Variants in LRP2 observed in about 807,000 individuals in gnomAD.
LRP2 encodes the protein low-density lipoprotein receptor-related protein 2.
Under a neutral mutation model 531.0 loss-of-function variants are expected in LRP2, and 172 were observed. The observed-to-expected ratio is 0.32, with a 90% CI of 0.29 to 0.37. The LOEUF (loss-of-function observed/expected upper bound fraction) is 0.37, where lower values mean the gene tolerates loss of function less well. Ranked by LOEUF, LRP2 falls within the 10% of genes least tolerant of loss-of-function variation. LRP2 has a pLI of 1.00. For missense variants in LRP2, 5,167 were observed against 5,868.3 expected, an observed-to-expected ratio of 0.88 and a Z score of 3.90; for synonymous variants, 1,992 against 2,027.6, an observed-to-expected ratio of 0.98 and a Z score of 0.47.
intron 16 of LRP2, among the ~76,000 whole-genome samples, chr2:169,269,963 C>T (rs181062487): frequency 0.014 from 2,152 of 151,354 alleles, 75 homozygotes; most frequent in African/African-American, 0.048. Flanking sequence ...ACAGACACTT[C>T]TCAAAAAAAG....
chr2:169,162,728 G>T, intron 62 of LRP2, 128 bp from the exon 63 acceptor site: 1 of 988,566 alleles, frequency 1.0e-6, no homozygotes. Flanking sequence ...AGTCTCCCTT[G>T]CAGCTGGGTT....
In LRP2 at chr2:169,209,546, T is replaced by C. The variant is rs1688520453; in HGVS notation, c.6376A>G (p.Arg2126Gly). Reference protein sequence around the residue: ...SSVASDNAIRRIKPDGSSLMN... With the variant: ...SSVASDNAIRGIKPDGSSLMN... ...AGAGAAGATCCATCTGGTTTAATTC[T>C]ACGGATCGCATTATCAGATGCCACT... is the stretch of plus-strand genomic sequence containing the variant. Residue 2126 changes from arginine (R) to glycine (G), a missense_variant, in exon 38 of 79, where the codon AGA (arginine) becomes GGA (glycine). Around this residue, in one of 6 missense-constraint regions of LRP2, gnomAD observed 2,811 missense variants for 3,058.0 expected, o/e 0.92. Coordinates refer to ENST00000649046, the MANE Select transcript of LRP2 (RefSeq NM_004525.3). 2 of 1,614,176 alleles carry C rather than the reference T, an allele frequency of 1.2e-6. No homozygotes were observed. The highest frequency in any genetic ancestry group is 1.7e-6 in the Non-Finnish European group (2 of 1,180,006).
Position 169,271,043 on chromosome 2 carries a change from A to T in LRP2, c.2181T>A (p.Ser727=). The T allele has an allele frequency of 6.2e-7, 1 of 1,613,250 alleles. No homozygotes were observed. Among genetic ancestry groups the T allele is most frequent in the African/African-American group, 1.3e-5 (1 of 74,976 alleles). Residue 727 remains serine (S), a synonymous_variant, in exon 16 of 79, where the codon TCT becomes TCA. Coordinates refer to ENST00000649046, the MANE Select transcript of LRP2 (RefSeq NM_004525.3). ...CTGGAACCATGACATCTTCCTGGGTAGACAAGGTGAACGGGATCCCACGAA... is the reference window on the plus strand; with the variant it reads ...CTGGAACCATGACATCTTCCTGGGTTGACAAGGTGAACGGGATCCCACGAA... ...VAIRGIPFTL[S]TQEDVMVPVS...
chr2:169,215,344 T>C (rs1429314318), intron 35 of LRP2, among the ~76,000 whole-genome samples: 1 of 152,176 alleles, frequency 6.6e-6, no homozygotes, highest in Non-Finnish European at 1.5e-5. Context: ...CAATGCTTCA[T>C]CAATAATTAT....
At chr2:169,187,333 C>T (rs1378791912) in intron 49 of LRP2, among the ~76,000 whole-genome samples, 1 of 152,020 alleles carries the variant, frequency 6.6e-6, no homozygotes, top group Non-Finnish European at 1.5e-5. Flanking sequence ...TCAATGAGTA[C>T]TGACAATGAA....
intron 49 of LRP2, among the ~76,000 whole-genome samples, chr2:169,187,063 A>AT (rs1687658858): frequency 6.6e-6 from 1 of 151,880 alleles, no homozygotes; most frequent in African/African-American, 2.4e-5. Flanking sequence ...TGATTTTTAA[A>AT]TTTTTTTCTT....
chr2:169,260,866 A>G (rs1690517717), intron 16 of LRP2, among the ~76,000 whole-genome samples: 1 of 103,950 alleles, frequency 9.6e-6, no homozygotes, highest in Non-Finnish European at 2.3e-5. Context: ...TCCAGGGTAC[A>G]CTAGAAAAAA....
intron 60 of LRP2, 73 bp from the exon 61 acceptor site, chr2:169,168,749 C>T: frequency 6.5e-7 from 1 of 1,527,684 alleles, no homozygotes; most frequent in African/African-American, 1.4e-5. Context: ...CCTGCTATTT[C>T]TCCTTTGGCT....
In LRP2 at chr2:169,243,518, C is replaced by T. The variant is rs775678937; in HGVS notation, c.3435G>A (p.Ser1145=). The T allele has an allele frequency of 1.7e-5, 28 of 1,613,868 alleles. No homozygotes were observed. Among genetic ancestry groups the T allele is most frequent in the African/African-American group, 6.7e-5 (5 of 74,894 alleles). The part of the protein sequence containing the change: ...GDGSDEKNCN[S]TETCQPSQFN... Reference sequence around the variant, plus strand: ...ACTGACTAGGTTGGCATGTCTCTGTCGAATCTAATGTCATCCGAAAACAAA... The same window carrying T: ...ACTGACTAGGTTGGCATGTCTCTGTTGAATCTAATGTCATCCGAAAACAAA... Residue 1145 remains serine, a synonymous_variant, in exon 23 of 79, where the codon TCG becomes TCA. Coordinates refer to ENST00000649046, the MANE Select transcript of LRP2 (RefSeq NM_004525.3).
At chr2:169,205,963 A>G (rs1160594289) in intron 40 of LRP2, 60 bp downstream of exon 40, 2 of 1,593,008 alleles carry the variant, frequency 1.3e-6, no homozygotes, top group East Asian at 2.2e-5. Flanking sequence ...ACATAATTTC[A>G]GGCCCCATTT....
At chr2:169,298,808 A>C (rs1684197125) in intron 4 of LRP2, among the ~76,000 whole-genome samples, 1 of 151,828 alleles carries the variant, frequency 6.6e-6, no homozygotes, top group South Asian at 2.1e-4. Flanking sequence ...CAAACAGGAG[A>C]GTCAATACCA....
At position 169,150,938 on chromosome 2, in the gene LRP2, G is replaced by A; in HGVS notation, c.12550C>T (p.Leu4184=). The A allele has an allele frequency of 6.2e-7, 1 of 1,614,066 alleles. No individual in the cohort carries two copies. Among genetic ancestry groups the A allele is most frequent in the Non-Finnish European group, 8.5e-7 (1 of 1,179,968 alleles). The change falls in exon 68 of 79, where the codon CTG becomes TTG. Residue 4184 remains leucine, a synonymous_variant. Transcript: ENST00000649046. ...RYRKWLISTD[L]DQPAAIAVNP... ...ACAGCAATAGCAGCTGGTTGGTCCA[G>A]GTCAGTGGAAATCAGCCACTTTCTG... is the stretch of plus-strand genomic sequence containing the variant.
Position 169,348,213 on chromosome 2 carries a change from T to C in LRP2, c.79+14108A>G, listed in dbSNP as rs145706481. On this transcript the variant is annotated intron_variant, in intron 1 of 78. Coordinates refer to ENST00000649046, the MANE Select transcript of LRP2 (RefSeq NM_004525.3). ...ACTCAAATAATTTAGTCACTTTTAT[T>C]GTGGCTTATTTCCCAACTTCTCTAC... is the stretch of plus-strand genomic sequence containing the variant. 5.0e-3 allele frequency among the ~76,000 whole-genome samples: 757 copies of C among 152,336 alleles called. 5 individuals carry two copies. Among genetic ancestry groups the C allele is most frequent in the Middle Eastern group, 0.01 (3 of 294 alleles).
At chr2:169,319,871 C>A (rs1382711259) in intron 2 of LRP2, among the ~76,000 whole-genome samples, 1 of 152,222 alleles carries the variant, frequency 6.6e-6, no homozygotes, top group Non-Finnish European at 1.5e-5. Flanking sequence ...CCCATCCTTA[C>A]CCTTCCTCCC....
intron 31 of LRP2, among the ~76,000 whole-genome samples, chr2:169,228,526 T>C (rs1484039541): frequency 1.3e-5 from 2 of 152,172 alleles, no homozygotes; most frequent in African/African-American, 4.8e-5. Flanking sequence ...CTTTGCTTAA[T>C]TGGAATAATT....
At chr2:169,184,378 G>A (rs1176076725) in intron 50 of LRP2, among the ~76,000 whole-genome samples, 1 of 152,184 alleles carries the variant, frequency 6.6e-6, no homozygotes, top group Non-Finnish European at 1.5e-5. Flanking sequence ...GGAGAACTGG[G>A]AAGCCAACTG....
chr2:169,174,963 T>C (rs1277143823), intron 55 of LRP2, among the ~76,000 whole-genome samples: 1 of 148,254 alleles, frequency 6.7e-6, no homozygotes, highest in African/African-American at 2.5e-5. Context: ...GAGCCACCAG[T>C]AGAGACAACT....
intron 40 of LRP2, 80 bp from the exon 41 acceptor site, chr2:169,205,717 T>C (rs1374543572): frequency 6.6e-6 from 9 of 1,370,078 alleles, no homozygotes; most frequent in Non-Finnish European, 9.3e-6. Flanking sequence ...GACAATATTC[T>C]TTAATTGCAA....
chr2:169,336,173 CTTAAG>C (rs994956599), intron 1 of LRP2, among the ~76,000 whole-genome samples: 6 of 152,106 alleles, frequency 3.9e-5, no homozygotes, highest in African/African-American at 1.4e-4. Flanking sequence ...ACTTTATTAT[CTTAAG>C]TTGTTACCCT....
Sources: gnomAD v4.1 joint callset for allele counts (sites outside exome capture counted in the v4.1 genomes callset) on GRCh38, gnomAD v4.1.1 for gene constraint, gnomAD v4.1.1 regional missense constraint, MANE v1.5 for transcripts, NCBI Gene and HGNC (gene_info 2026-07-23, HGNC 2026-07-21) for gene names.